The following SNX31 variants were observed in gnomAD, a reference collection of about 807,000 sequenced individuals.
SNX31 encodes the protein sorting nexin 31.
Under a neutral mutation model 65.4 loss-of-function variants are expected in SNX31, and 58 were observed. The ratio of observed to expected loss-of-function variants is 0.89; its 90% CI spans 0.72 to 1.10. The LOEUF is 1.10. Among genes scored for constraint, SNX31 ranks in the 50% least tolerant of loss-of-function variants. The pLI is 0.00. For synonymous variants in SNX31, 181 were observed against 190.1 expected, an observed-to-expected ratio of 0.95 and a Z score of 0.39; for missense variants, 523 against 529.7, an observed-to-expected ratio of 0.99 and a Z score of 0.12.
intron 9 of SNX31, among the ~76,000 whole-genome samples, 199 bp from the exon 10 acceptor site, chr8:100,597,041 C>G (rs1386752494): frequency 6.6e-6 from 1 of 152,166 alleles, no homozygotes; most frequent in Non-Finnish European, 1.5e-5. Flanking sequence ...GGGGGAAATT[C>G]ATGGAGTGTC....
rs1819893010 is a variant in SNX31, at chr8:100,649,574, C to T, written c.-60G>A. 2.0e-6 allele frequency: 3 copies of T among 1,481,820 alleles called. No homozygotes were observed. Among genetic ancestry groups the T allele is most frequent in the Non-Finnish European group, 2.8e-6 (3 of 1,088,832 alleles). The allele number at this position is 1,481,820 out of a possible 1,614,324, so 91.8% of individuals were successfully genotyped here. ...CCGACCTGCGGCGGCGGGCGGTGCGCGGCTCTGAACTCGGCAGCGGTGGAC... is the reference window on the plus strand; with the variant it reads ...CCGACCTGCGGCGGCGGGCGGTGCGTGGCTCTGAACTCGGCAGCGGTGGAC... On this transcript the variant is annotated 5_prime_UTR_variant, in exon 1 of 14. Coordinates refer to ENST00000311812, the MANE Select transcript of SNX31 (RefSeq NM_152628.4).
intron 4 of SNX31, among the ~76,000 whole-genome samples, chr8:100,628,153 T>C (rs1357868477): frequency 1.3e-5 from 2 of 152,184 alleles, no homozygotes; most frequent in East Asian, 3.9e-4. Flanking sequence ...GACTGTAAAC[T>C]AGTTCAACCA....
chr8:100,635,225 T>TATTTATTTATTTATTTATTTATTTATTC (rs1252608519), intron 3 of SNX31, among the ~76,000 whole-genome samples: 1 of 151,522 alleles, frequency 6.6e-6, no homozygotes, highest in East Asian at 1.9e-4. Context: ...TCATCTCTTT[T>TATTTATTTATTTATTTATTTATTTATTC]ATTTATTTAT....
intron 10 of SNX31, among the ~76,000 whole-genome samples, chr8:100,592,027 C>A (rs115726413): frequency 0.023 from 3,477 of 152,062 alleles, 142 homozygotes; most frequent in African/African-American, 0.078. Context: ...AAAAATCAAT[C>A]AATAGTACAT....
intron 5 of SNX31, among the ~76,000 whole-genome samples, chr8:100,615,813 A>T (rs1817126838): frequency 6.6e-6 from 1 of 152,230 alleles, no homozygotes; most frequent in Admixed American, 6.5e-5. Flanking sequence ...TCTGTCGCCC[A>T]GGCTGGAGTG....
At chr8:100,607,905 C>T (rs1351966950) in intron 8 of SNX31, among the ~76,000 whole-genome samples, 1 of 152,200 alleles carries the variant, frequency 6.6e-6, no homozygotes, top group African/African-American at 2.4e-5. Context: ...GCCCAGAGCC[C>T]AACGCAACTG....
intron 4 of SNX31, chr8:100,619,962 T>A (rs933520641): frequency 1.3e-5 from 2 of 152,162 alleles, no homozygotes; most frequent in Admixed American, 6.5e-5. Flanking sequence ...CCTTTTTTTT[T>A]AAGACTAATA....
intron 12 of SNX31, among the ~76,000 whole-genome samples, chr8:100,581,622 C>CGGAG (rs1813564369): frequency 6.6e-6 from 1 of 151,908 alleles, no homozygotes; most frequent in African/African-American, 2.4e-5. Flanking sequence ...GGTTACAGTT[C>CGGAG]TCTCCCCTGC....
In SNX31 at chr8:100,617,693, T is replaced by A. The variant is rs1817335327; in HGVS notation, c.359A>T (p.Asp120Val). The change falls in exon 5 of 14, where the codon GAC (aspartate) becomes GTC (valine). Residue 120 changes from aspartate (D) to valine (V), a missense_variant. Asp to Val is a radical substitution (Grantham distance 152). Coordinates refer to ENST00000311812, the MANE Select transcript of SNX31 (RefSeq NM_152628.4). ...ACTCTGTTCATTGGGCAGAAATATG[T>A]CCAGATAAGCTTTCTTGGTGGCGAT... is the stretch of plus-strand genomic sequence containing the variant. Reference protein sequence around the residue: ...FDIATKKAYLDIFLPNEQSIR... With the variant: ...FDIATKKAYLVIFLPNEQSIR... 6.2e-7 allele frequency: 1 copy of A among 1,613,788 alleles called. No homozygotes were observed. Among genetic ancestry groups the A allele is most frequent in the African/African-American group, 1.3e-5 (1 of 74,976 alleles).
chr8:100,603,984 C>G (rs573642521), intron 8 of SNX31, among the ~76,000 whole-genome samples: 46 of 152,296 alleles, frequency 3.0e-4, no homozygotes, highest in African/African-American at 1.0e-3. Context: ...GTACTCTGCC[C>G]ACCTCTGCCT....
chr8:100,600,409 T>G lies in SNX31; in HGVS notation c.714A>C (p.Lys238Asn). 6.2e-7 allele frequency: 1 copy of G among 1,613,770 alleles called. No homozygotes were observed. The highest frequency in any genetic ancestry group is 8.5e-7 in the Non-Finnish European group (1 of 1,179,818). Residue 238 changes from lysine (K) to asparagine (N), a missense_variant, in exon 9 of 14, where the codon AAA (lysine) becomes AAC (asparagine). Lys to Asn is a moderately conservative substitution (Grantham distance 94, BLOSUM62 0). Coordinates refer to ENST00000311812, the MANE Select transcript of SNX31 (RefSeq NM_152628.4). ...AIQDIEKGWA[K>N]PTQAQRQKLE... Reference sequence around the variant, plus strand: ...ATTTCTGCCTCTGTGCCTGTGTGGGTTTGGCCCATCCTTTTTCAATGTCCT... The same window carrying G: ...ATTTCTGCCTCTGTGCCTGTGTGGGGTTGGCCCATCCTTTTTCAATGTCCT...
intron 12 of SNX31, among the ~76,000 whole-genome samples, chr8:100,580,273 C>T (rs1363266548): frequency 2.0e-5 from 3 of 151,844 alleles, no homozygotes; most frequent in Non-Finnish European, 4.4e-5. Context: ...AATAATAATG[C>T]ACTTTCAGAA....
chr8:100,637,226 A>G (rs1429973713), intron 2 of SNX31, among the ~76,000 whole-genome samples: 1 of 152,242 alleles, frequency 6.6e-6, no homozygotes, highest in Admixed American at 6.5e-5. Flanking sequence ...AAAAATGTGC[A>G]TCTTTATTCC....
intron 4 of SNX31, among the ~76,000 whole-genome samples, chr8:100,621,319 C>A (rs1266464883): frequency 6.6e-6 from 1 of 152,164 alleles, no homozygotes; most frequent in Non-Finnish European, 1.5e-5. Flanking sequence ...TTTTCACTCT[C>A]AAAAGCATCC....
At chr8:100,605,178 T>C (rs1816033541) in intron 8 of SNX31, among the ~76,000 whole-genome samples, 1 of 152,104 alleles carries the variant, frequency 6.6e-6, no homozygotes, top group Non-Finnish European at 1.5e-5. Flanking sequence ...GGATTACAAG[T>C]GTGAGCCACC....
chr8:100,598,619 C>T (rs1815329480), intron 9 of SNX31, among the ~76,000 whole-genome samples: 1 of 150,560 alleles, frequency 6.6e-6, no homozygotes, highest in African/African-American at 2.5e-5. Context: ...TATATGAACA[C>T]CAGAAGACAG....
intron 12 of SNX31, among the ~76,000 whole-genome samples, chr8:100,583,021 T>A (rs2130808415): frequency 6.6e-6 from 1 of 151,164 alleles, no homozygotes; most frequent in Admixed American, 6.6e-5. Context: ...AGTTTCCCAA[T>A]ATTTTCTATT....
Position 100,578,469 on chromosome 8 carries a change from T to G in SNX31, c.1171-1394A>C, listed in dbSNP as rs982926055. 6.6e-6 allele frequency among the ~76,000 whole-genome samples: 1 copy of G among 152,296 alleles called. No homozygotes were observed. Among genetic ancestry groups the G allele is most frequent in the South Asian group, 2.1e-4 (1 of 4,822 alleles). The stretch of plus-strand genomic sequence containing the variant: ...ATAAATGACAGAATAAACAAGTGAC[T>G]TAATTGTTTATTATTGCTTACTTCT... On this transcript the variant is annotated intron_variant, in intron 12 of 13. Coordinates refer to ENST00000311812, the MANE Select transcript of SNX31 (RefSeq NM_152628.4). This position sits in a 1 kb window ranked among gnomAD's most constrained non-coding sequence, Gnocchi z 4.7.
intron 7 of SNX31, 50 bp from the exon 8 acceptor site, chr8:100,608,613 C>T (rs1223354452): frequency 1.3e-5 from 21 of 1,582,164 alleles, no homozygotes; most frequent in Non-Finnish European, 1.8e-5. Context: ...GGCCCATGGG[C>T]ACACCTGGCA....
Sources: gnomAD v4.1 joint callset for allele counts (sites outside exome capture counted in the v4.1 genomes callset) on GRCh38, gnomAD v4.1.1 for gene constraint, Gnocchi (gnomAD v3.1) non-coding constraint, MANE v1.5 for transcripts, NCBI Gene and HGNC (gene_info 2026-07-23, HGNC 2026-07-21) for gene names.